RERE: variants seen among roughly 807,000 people sequenced by gnomAD.
RERE encodes arginine-glutamic acid dipeptide repeats protein.
RERE carries 40 observed loss-of-function variants against 146.1 expected under a neutral mutation model. The ratio of observed to expected loss-of-function variants is 0.27; its 90% CI spans 0.21 to 0.36. RERE has a LOEUF of 0.36. RERE is among the 10% of genes least tolerant of loss of function. The pLI is 1.00. For missense variants in RERE, 1,933 were observed against 2,138.7 expected, an observed-to-expected ratio of 0.90 and a Z score of 1.90; for synonymous variants, 1,003 against 866.0, an observed-to-expected ratio of 1.16 and a Z score of -2.78.
chr1:8,769,783 AT>A (rs548086408), intron 1 of RERE, among the ~76,000 whole-genome samples: 2 of 150,174 alleles, frequency 1.3e-5, no homozygotes, highest in African/African-American at 2.4e-5. Flanking sequence ...AGGCCACACG[AT>A]TTTTTTTTAT....
At chr1:8,449,312 CG>C (rs1403532714) in intron 11 of RERE, among the ~76,000 whole-genome samples, 1 of 152,100 alleles carries the variant, frequency 6.6e-6, no homozygotes, top group East Asian at 1.9e-4. Flanking sequence ...TCAAAGAAAA[CG>C]AAACAACAGT....
chr1:8,607,495 C>G (rs1357029748), intron 4 of RERE, among the ~76,000 whole-genome samples: 2 of 147,086 alleles, frequency 1.4e-5, no homozygotes, highest in African/African-American at 5.0e-5. Flanking sequence ...AAAAATAAAG[C>G]CTAGGAGAAG....
intron 11 of RERE, 72 bp from the exon 12 acceptor site, chr1:8,422,879 T>C: frequency 4.6e-6 from 5 of 1,092,478 alleles, no homozygotes; most frequent in Non-Finnish European, 7.0e-6. Flanking sequence ...CAAAGATATC[T>C]ACAATCAGCA....
intron 2 of RERE, among the ~76,000 whole-genome samples, chr1:8,651,264 A>C (rs978801409): frequency 6.6e-6 from 1 of 151,538 alleles, no homozygotes; most frequent in Admixed American, 6.6e-5. Context: ...AAAATTGTTA[A>C]TAGGCCAGGT....
chr1:8,618,541 A>C (rs565114210), intron 3 of RERE, among the ~76,000 whole-genome samples: 1 of 152,208 alleles, frequency 6.6e-6, no homozygotes, highest in Non-Finnish European at 1.5e-5. Flanking sequence ...CTCTAATGCA[A>C]GATTTACCTC....
intron 7 of RERE, among the ~76,000 whole-genome samples, chr1:8,514,908 T>C (rs1232710196): frequency 6.6e-6 from 1 of 152,208 alleles, no homozygotes; most frequent in Non-Finnish European, 1.5e-5. Flanking sequence ...GCTTTCTTCT[T>C]TGATGAATAA....
intron 12 of RERE, among the ~76,000 whole-genome samples, chr1:8,379,882 G>A (rs1345152954): frequency 6.6e-6 from 1 of 152,224 alleles, no homozygotes; most frequent in Non-Finnish European, 1.5e-5. Flanking sequence ...TAGTGGGGAA[G>A]CCTGCGGGGC....
In RERE at chr1:8,415,139, T is replaced by C. The variant is rs547517813; in HGVS notation, c.1284+7588A>G. ...AGCAAACTAGTTTTCAAAGTCAGAA[T>C]AGATCTTACAAGGCTAAAAAAGAAT... On this transcript the variant is annotated intron_variant, in intron 12 of 22. Coordinates refer to ENST00000400908, the MANE Select transcript of RERE (RefSeq NM_001042681.2). 3.9e-5 allele frequency among the ~76,000 whole-genome samples: 6 copies of C among 152,316 alleles called. No homozygotes were observed. In the East Asian group the frequency reaches 7.7e-4, roughly 20 times the overall value.
intron 1 of RERE, among the ~76,000 whole-genome samples, chr1:8,713,751 A>C (rs1639712506): frequency 2.0e-5 from 3 of 152,016 alleles, no homozygotes; most frequent in African/African-American, 7.2e-5. Context: ...AATGATGATG[A>C]TAATAATAAT....
chr1:8,575,294 G>A (rs954104291), intron 4 of RERE, among the ~76,000 whole-genome samples: 9 of 151,366 alleles, frequency 5.9e-5, no homozygotes, highest in Non-Finnish European at 1.2e-4. Context: ...TGAATAAAGT[G>A]AATAGTTGCT....
chr1:8,808,202 G>C (rs1641726874), intron 1 of RERE, among the ~76,000 whole-genome samples: 1 of 147,004 alleles, frequency 6.8e-6, no homozygotes, highest in African/African-American at 2.5e-5. Flanking sequence ...ATGATATTCT[G>C]ATCATTTATT....
At chr1:8,639,860 A>T (rs1227509508) in intron 2 of RERE, among the ~76,000 whole-genome samples, 1 of 152,234 alleles carries the variant, frequency 6.6e-6, no homozygotes, top group Non-Finnish European at 1.5e-5. Flanking sequence ...TAATACCAGC[A>T]CAATGGGATG....
intron 7 of RERE, among the ~76,000 whole-genome samples, chr1:8,520,753 T>TA (rs368609572): frequency 0.038 from 3,005 of 78,194 alleles, 160 homozygotes; most frequent in African/African-American, 0.12. Context: ...AAAAAACTTT[T>TA]TAAAAAAAAA....
At chr1:8,495,957 T>C (rs914036965) in intron 9 of RERE, among the ~76,000 whole-genome samples, 2 of 152,038 alleles carry the variant, frequency 1.3e-5, no homozygotes, top group Admixed American at 1.3e-4. Flanking sequence ...AGAGGACTGC[T>C]TGAGGCCAGA....
intron 10 of RERE, among the ~76,000 whole-genome samples, chr1:8,468,969 A>C (rs1644643350): frequency 6.6e-6 from 1 of 152,168 alleles, no homozygotes; most frequent in South Asian, 2.1e-4. Context: ...TTTGGAGTCA[A>C]ACTGCCTGGA....
chr1:8,455,189 T>C (rs1241289823), intron 11 of RERE, among the ~76,000 whole-genome samples: 4 of 152,146 alleles, frequency 2.6e-5, no homozygotes, highest in African/African-American at 9.7e-5. Flanking sequence ...TCCTCCTATT[T>C]TCAGAATAAC....
intron 4 of RERE, among the ~76,000 whole-genome samples, chr1:8,610,616 A>C (rs1646782221): frequency 6.6e-6 from 1 of 152,170 alleles, no homozygotes; most frequent in South Asian, 2.1e-4. Flanking sequence ...AAATAAAAAA[A>C]GAATGACCAG....
chr1:8,521,651 A>C (rs1645503249), intron 7 of RERE, among the ~76,000 whole-genome samples: 1 of 152,178 alleles, frequency 6.6e-6, no homozygotes, highest in African/African-American at 2.4e-5. Context: ...TGTAAGAAAT[A>C]TTTATTTCCA....
intron 1 of RERE, among the ~76,000 whole-genome samples, chr1:8,708,570 C>T (rs1472727202): frequency 1.3e-5 from 2 of 152,122 alleles, no homozygotes; most frequent in African/African-American, 2.4e-5. Context: ...ACTGAATCCA[C>T]CCACCTCAGT....
Sources: allele counts gnomAD v4.1 joint callset (sites outside exome capture counted in the v4.1 genomes callset), GRCh38; gene constraint gnomAD v4.1.1; transcripts MANE v1.5; gene names NCBI Gene and HGNC (gene_info 2026-07-23, HGNC 2026-07-21).